CDH23: variants seen among roughly 807,000 people sequenced by gnomAD.
CDH23 encodes the protein cadherin related 23, also known as cadherin-23.
In CDH23, 189 loss-of-function variants were observed where a neutral mutation model predicts 317.1. The ratio of observed to expected loss-of-function variants is 0.60; its 90% CI spans 0.53 to 0.67. The LOEUF (loss-of-function observed/expected upper bound fraction) is 0.67, where lower values mean the gene tolerates loss of function less well. Ranked by LOEUF, CDH23 falls within the 30% of genes least tolerant of loss-of-function variation. CDH23 has a pLI of 0.00. For missense variants in CDH23, 4,401 were observed against 4,592.4 expected (o/e 0.96, Z 1.20); for synonymous variants, 1,839 against 1,876.8 (o/e 0.98, Z 0.52).
chr10:71,773,365 C>G (rs775132902), intron 38 of CDH23: 3 of 1,607,840 alleles, frequency 1.9e-6, no homozygotes, highest in Non-Finnish European at 2.5e-6. Flanking sequence ...TACCTAGGGA[C>G]GCAGCCAGGA....
At chr10:71,524,842 G>C (rs1373624936) in intron 6 of CDH23, among the ~76,000 whole-genome samples, 1 of 152,164 alleles carries the variant, frequency 6.6e-6, no homozygotes, top group Non-Finnish European at 1.5e-5. Flanking sequence ...AACTGAAAAA[G>C]GGAAGGAAAC....
chr10:71,815,503 AAAACC>A lies in CDH23; in HGVS notation c.*230_*234del, dbSNP rs1842105043. On this transcript the variant is annotated 3_prime_UTR_variant, in exon 70 of 70. Coordinates refer to ENST00000224721, the MANE Select transcript of CDH23 (RefSeq NM_022124.6). ...TCATAAGATCTGTTATTTTTATAAG[AAAACC>A]AAACAAAAATGTTAAGCATCTAAGG... is the stretch of plus-strand genomic sequence containing the variant. The A allele has an allele frequency of 6.6e-6, 3 of 454,738 alleles. No individual in the cohort carries two copies. In the East Asian group the frequency reaches 9.8e-5, roughly 15 times the overall value. The allele number at this position is 454,738 out of a possible 1,614,324, so 28.2% of individuals were successfully genotyped here. A position where few individuals can be genotyped will look rare whatever the true frequency, so the allele number is the denominator to read the frequency against.
intron 11 of CDH23, among the ~76,000 whole-genome samples, chr10:71,626,380 C>T (rs962396719): frequency 1.7e-4 from 26 of 152,158 alleles, no homozygotes; most frequent in African/African-American, 5.1e-4. Context: ...AGCCGTACAC[C>T]GTGTGGGGAT....
intron 9 of CDH23, among the ~76,000 whole-genome samples, chr10:71,607,454 G>C (rs775776890): frequency 5.3e-5 from 8 of 152,240 alleles, no homozygotes; most frequent in Non-Finnish European, 1.0e-4. Flanking sequence ...CAGGGGTTTT[G>C]TGAGACTGAA....
chr10:71,549,983 C>T (rs1856492180), intron 6 of CDH23, among the ~76,000 whole-genome samples: 1 of 152,072 alleles, frequency 6.6e-6, no homozygotes, highest in African/African-American at 2.4e-5. Flanking sequence ...TCTAGCTATC[C>T]CTGCCTCCGC....
chr10:71,727,532 G>T (rs1310253212), intron 30 of CDH23, among the ~76,000 whole-genome samples: 1 of 152,300 alleles, frequency 6.6e-6, no homozygotes, highest in African/African-American at 2.4e-5. Context: ...GGGGAGAGAC[G>T]GCTTGCAGGA....
intron 19 of CDH23, 91 bp downstream of exon 19, chr10:71,687,810 C>G: frequency 8.3e-7 from 1 of 1,209,304 alleles, no homozygotes; most frequent in Non-Finnish European, 1.2e-6. Flanking sequence ...GCTCTGCACA[C>G]AAATTGTGGG....
At position 71,738,887 on chromosome 10, in the gene CDH23, A is replaced by G. The variant is rs1227059; in HGVS notation, c.4359+240A>G. Among the ~76,000 whole-genome samples, 117,200 of 152,266 alleles carry G rather than the reference A, an allele frequency of 0.77. 45,370 individuals carry two copies. The highest frequency in any genetic ancestry group is 0.83 in the East Asian group (4,302 of 5,170). ...GAGCCCGAAGGCCAGCCAAGGCGCA[A>G]CCCCTCAGTGAAGTTGTTTTCCGGG... is the stretch of plus-strand genomic sequence containing the variant. On this transcript the variant is annotated intron_variant, in intron 35 of 69. Transcript: ENST00000224721.
At chr10:71,402,780 G>T (rs1480282859) in intron 1 of CDH23, among the ~76,000 whole-genome samples, 1 of 151,928 alleles carries the variant, frequency 6.6e-6, no homozygotes, top group Non-Finnish European at 1.5e-5. Flanking sequence ...TTGGATGGGG[G>T]TTGTTGTGGT....
chr10:71,432,568 G>A (rs1849445939), intron 1 of CDH23, among the ~76,000 whole-genome samples: 2 of 152,128 alleles, frequency 1.3e-5, no homozygotes, highest in Non-Finnish European at 1.5e-5. Flanking sequence ...TCAGGCACAA[G>A]TTTTCTTTCA....
chr10:71,514,436 C>G (rs573332066), intron 6 of CDH23, among the ~76,000 whole-genome samples: 1 of 152,142 alleles, frequency 6.6e-6, no homozygotes, highest in Non-Finnish European at 1.5e-5. Context: ...TCCATGGCTG[C>G]CTGGAGACAT....
intron 38 of CDH23, among the ~76,000 whole-genome samples, chr10:71,768,873 C>T (rs908665467): frequency 9.2e-5 from 14 of 152,206 alleles, no homozygotes; most frequent in African/African-American, 2.4e-4. Flanking sequence ...GATGAGAAAA[C>T]GGAAGCACAG....
At chr10:71,520,088 A>G (rs954184058) in intron 6 of CDH23, among the ~76,000 whole-genome samples, 2 of 152,228 alleles carry the variant, frequency 1.3e-5, no homozygotes, top group Non-Finnish European at 2.9e-5. Flanking sequence ...GATCACAGGC[A>G]TGAGCCCTCT....
At chr10:71,410,878 G>C (rs1016047830) in intron 1 of CDH23, among the ~76,000 whole-genome samples, 7 of 152,190 alleles carry the variant, frequency 4.6e-5, no homozygotes, top group African/African-American at 1.7e-4. Context: ...CCATTCTACT[G>C]TTGTTGGACT....
intron 9 of CDH23, among the ~76,000 whole-genome samples, chr10:71,600,052 G>C (rs557931605): frequency 6.8e-6 from 1 of 146,536 alleles, no homozygotes; most frequent in South Asian, 2.2e-4. Context: ...GCCCAGGCTG[G>C]AGTGCAATGA....
rs1234326 is a variant in CDH23, at chr10:71,694,726, A to G, written c.2289+467A>G. Among the ~76,000 whole-genome samples the G allele has an allele frequency of 0.5, 76,728 of 151,938 alleles. 20,581 individuals are homozygous for G. The highest frequency in any genetic ancestry group is 0.78 in the South Asian group (3,747 of 4,822). ...GAGGAACGAAACGTGGGGGCCTCGA[A>G]TGAGCTCTCGGCTGCAGAAGTGAAA... On this transcript the variant is annotated intron_variant, in intron 21 of 69. Transcript: ENST00000224721.
chr10:71,489,553 C>T (rs892398274), intron 3 of CDH23, among the ~76,000 whole-genome samples: 1 of 149,898 alleles, frequency 6.7e-6, no homozygotes, highest in Non-Finnish European at 1.5e-5. Context: ...CTGATTATGC[C>T]ATCTATTTTT....
intron 22 of CDH23, among the ~76,000 whole-genome samples, chr10:71,697,452 T>C (rs1865434054): frequency 6.6e-6 from 1 of 152,206 alleles, no homozygotes; most frequent in Non-Finnish European, 1.5e-5. Flanking sequence ...GCAGATCGCT[T>C]GAGCCCAGGA....
At position 71,397,276 on chromosome 10, in the gene CDH23, C is replaced by CCGAGG. The variant is rs71012280; in HGVS notation, c.-35_-31dup. On this transcript the variant is annotated 5_prime_UTR_variant, in exon 1 of 70. Transcript: ENST00000224721. The surrounding 1 kb of genome is among the most constrained non-coding windows in gnomAD (Gnocchi z 4.8). ...GGGCCGATCCGGCGGAGAGCAGAGCCCGAGGCGAGGCGAGGCGCGGCGCCG... is the reference window on the plus strand; with the variant it reads ...GGGCCGATCCGGCGGAGAGCAGAGCCCGAGGCGAGGCGAGGCGAGGCGCGGCGCCG... 0.38 allele frequency: 65,834 copies of CCGAGG among 172,772 alleles called. 15,642 individuals carry two copies. Among genetic ancestry groups the CCGAGG allele is most frequent in the East Asian group, 0.51 (2,575 of 5,030 alleles). The allele number at this position is 172,772 out of a possible 1,614,324, so 10.7% of individuals were successfully genotyped here. A position where few individuals can be genotyped will look rare whatever the true frequency, so the allele number is the denominator to read the frequency against.
Sources: gnomAD v4.1 joint callset for allele counts (sites outside exome capture counted in the v4.1 genomes callset) on GRCh38, gnomAD v4.1.1 for gene constraint, Gnocchi (gnomAD v3.1) non-coding constraint, MANE v1.5 for transcripts, NCBI Gene and HGNC (gene_info 2026-07-23, HGNC 2026-07-21) for gene names.